Variants in LDLRAD4 observed in about 807,000 individuals in gnomAD.
The protein encoded by LDLRAD4 is low-density lipoprotein receptor class A domain-containing protein 4.
A neutral mutation model predicts 17.0 loss-of-function variants in LDLRAD4; 5 were observed. The ratio of observed to expected loss-of-function variants is 0.29; its 90% CI spans 0.15 to 0.62. The LOEUF (loss-of-function observed/expected upper bound fraction) is 0.62, where lower values mean the gene tolerates loss of function less well. Among genes scored for constraint, LDLRAD4 ranks in the 20% least tolerant of loss-of-function variants. The pLI, the probability that LDLRAD4 is intolerant of heterozygous loss-of-function variation, is 0.84. For missense variants in LDLRAD4, 340 were observed against 424.7 expected, an observed-to-expected ratio of 0.80 and a Z score of 1.75; for synonymous variants, 168 against 171.8, an observed-to-expected ratio of 0.98 and a Z score of 0.17.
At chr18:13,473,125 T>G (rs1265881710) in intron 3 of LDLRAD4, among the ~76,000 whole-genome samples, 1 of 146,900 alleles carries the variant, frequency 6.8e-6, no homozygotes. Context: ...AGGCAGAATA[T>G]AGTTCACAGA....
chr18:13,247,796 T>A (rs2043029386), intron 1 of LDLRAD4, among the ~76,000 whole-genome samples: 1 of 152,136 alleles, frequency 6.6e-6, no homozygotes, highest in South Asian at 2.1e-4. Flanking sequence ...GAACTGGATC[T>A]GAGCTTTCCC....
chr18:13,324,487 G>T (rs536777842), intron 1 of LDLRAD4, among the ~76,000 whole-genome samples: 10 of 152,128 alleles, frequency 6.6e-5, no homozygotes, highest in Admixed American at 3.9e-4. Context: ...CGAACTCTCT[G>T]AGTATGTCCC....
intron 3 of LDLRAD4, among the ~76,000 whole-genome samples, chr18:13,483,654 A>G (rs1163128842): frequency 6.6e-6 from 1 of 152,180 alleles, no homozygotes; most frequent in East Asian, 1.9e-4. Context: ...ACCAAACGCC[A>G]GATACTGTGC....
At chr18:13,483,651 G>A (rs936197694) in intron 3 of LDLRAD4, among the ~76,000 whole-genome samples, 11 of 152,202 alleles carry the variant, frequency 7.2e-5, no homozygotes, top group Non-Finnish European at 1.6e-4. Flanking sequence ...CTTACCAAAC[G>A]CCAGATACTG....
At chr18:13,313,667 T>C (rs1173575990) in intron 1 of LDLRAD4, among the ~76,000 whole-genome samples, 1 of 152,232 alleles carries the variant, frequency 6.6e-6, no homozygotes, top group East Asian at 1.9e-4. Flanking sequence ...TTGCACCTAT[T>C]GATGTACTGC....
chr18:13,344,929 T>G (rs1191626138), intron 1 of LDLRAD4, among the ~76,000 whole-genome samples: 3 of 152,200 alleles, frequency 2.0e-5, no homozygotes, highest in African/African-American at 4.8e-5. Flanking sequence ...GCACATTGAT[T>G]TTGTATCCTG....
chr18:13,551,055 G>A (rs886259962), intron 3 of LDLRAD4, among the ~76,000 whole-genome samples: 12 of 152,192 alleles, frequency 7.9e-5, no homozygotes, highest in African/African-American at 2.4e-4. Context: ...TCTTCCGTGT[G>A]CCTCCCCAGC....
At chr18:13,571,182 C>T (rs2094685675) in intron 3 of LDLRAD4, among the ~76,000 whole-genome samples, 1 of 152,140 alleles carries the variant, frequency 6.6e-6, no homozygotes, top group Admixed American at 6.5e-5. Flanking sequence ...ATATGCCTGG[C>T]CAGGCAGATT....
intron 3 of LDLRAD4, among the ~76,000 whole-genome samples, chr18:13,457,673 A>C (rs1420443124): frequency 6.6e-6 from 1 of 151,912 alleles, no homozygotes; most frequent in Admixed American, 6.5e-5. Flanking sequence ...GCCGTGGAGG[A>C]AAGCCTGTAG....
intron 3 of LDLRAD4, among the ~76,000 whole-genome samples, chr18:13,450,253 C>G (rs1319485225): frequency 6.6e-6 from 1 of 150,908 alleles, no homozygotes; most frequent in Non-Finnish European, 1.5e-5. Context: ...GGTTCAGTGT[C>G]TGCTCTCATG....
intron 1 of LDLRAD4, among the ~76,000 whole-genome samples, chr18:13,323,361 T>C (rs2081355718): frequency 6.6e-6 from 1 of 152,236 alleles, no homozygotes; most frequent in Non-Finnish European, 1.5e-5. Context: ...TTCCTGAAAG[T>C]GAGCTCTCGT....
chr18:13,462,058 C>G (rs11080656), intron 3 of LDLRAD4: 100,099 of 152,000 alleles, frequency 0.66, 34,848 homozygotes, highest in Middle Eastern at 0.81. Context: ...TCCTATTCTC[C>G]TGCCTCATGG....
chr18:13,320,187 A>C (rs919674861), intron 1 of LDLRAD4, among the ~76,000 whole-genome samples: 1 of 152,220 alleles, frequency 6.6e-6, no homozygotes, highest in Non-Finnish European at 1.5e-5. Flanking sequence ...ACAAGAGAGA[A>C]TGCTGCGCCT....
At chr18:13,491,941 A>G (rs1006012115) in intron 3 of LDLRAD4, among the ~76,000 whole-genome samples, 1 of 152,226 alleles carries the variant, frequency 6.6e-6, no homozygotes, top group African/African-American at 2.4e-5. Flanking sequence ...AGGCGCTTCC[A>G]TCATTCAATT....
intron 2 of LDLRAD4, among the ~76,000 whole-genome samples, chr18:13,393,654 T>C (rs1474897715): frequency 6.6e-6 from 1 of 152,156 alleles, no homozygotes; most frequent in African/African-American, 2.4e-5. Context: ...CTCTCCTCTC[T>C]CTAGTTCTGC....
chr18:13,572,581 A>G (rs1466491340), intron 3 of LDLRAD4, among the ~76,000 whole-genome samples: 1 of 152,236 alleles, frequency 6.6e-6, no homozygotes, highest in African/African-American at 2.4e-5. Flanking sequence ...AAGAAACCGC[A>G]GAAGGAAAGC....
intron 2 of LDLRAD4, among the ~76,000 whole-genome samples, chr18:13,431,306 C>T (rs2090317915): frequency 6.6e-6 from 1 of 152,220 alleles, no homozygotes; most frequent in South Asian, 2.1e-4. Flanking sequence ...TTCTTACCTA[C>T]TTTCGGTACT....
chr18:13,360,824 G>A (rs1335307301), intron 1 of LDLRAD4, among the ~76,000 whole-genome samples: 1 of 152,216 alleles, frequency 6.6e-6, no homozygotes, highest in Non-Finnish European at 1.5e-5. Flanking sequence ...ATGCAAGTAA[G>A]AGGTGACATG....
chr18:13,352,852 T>A (rs1272615916), intron 1 of LDLRAD4, among the ~76,000 whole-genome samples: 1 of 152,160 alleles, frequency 6.6e-6, no homozygotes, highest in Non-Finnish European at 1.5e-5. Context: ...TTTTACCTGT[T>A]TGAGTTTGCT....
Sources: allele counts gnomAD v4.1 joint callset (sites outside exome capture counted in the v4.1 genomes callset), GRCh38; gene constraint gnomAD v4.1.1; transcripts MANE v1.5; gene names NCBI Gene and HGNC (gene_info 2026-07-23, HGNC 2026-07-21).